Variants in PATJ observed in about 807,000 individuals in gnomAD.
PATJ encodes inaD-like protein.
A neutral mutation model predicts 224.9 loss-of-function variants in PATJ; 190 were observed. The ratio of observed to expected loss-of-function variants is 0.84; its 90% CI spans 0.75 to 0.95. PATJ has a LOEUF of 0.95. Ranked by LOEUF, PATJ falls within the 40% of genes least tolerant of loss-of-function variation. The pLI is 0.00. For synonymous variants in PATJ, 769 were observed against 820.3 expected, an observed-to-expected ratio of 0.94 and a Z score of 1.07; for missense variants, 2,121 against 2,270.3, an observed-to-expected ratio of 0.93 and a Z score of 1.34.
At chr1:61,843,889 A>C (rs1661510188) in intron 17 of PATJ, among the ~76,000 whole-genome samples, 3 of 148,922 alleles carry the variant, frequency 2.0e-5, no homozygotes, top group Non-Finnish European at 3.0e-5. Flanking sequence ...TTTAAAAGAT[A>C]CGAGCCAGTA....
chr1:62,123,186 G>T, intron 39 of PATJ, 128 bp downstream of exon 39: 6 of 649,766 alleles, frequency 9.2e-6, no homozygotes, highest in Non-Finnish European at 1.6e-5. Flanking sequence ...TAAAAATATG[G>T]TCTAAATAAC....
At chr1:61,960,733 T>A (rs7520931) in intron 27 of PATJ, among the ~76,000 whole-genome samples, 1 of 151,952 alleles carries the variant, frequency 6.6e-6, no homozygotes, top group Non-Finnish European at 1.5e-5. Flanking sequence ...AAATTCCTCT[T>A]GATTTTTTTA....
intron 29 of PATJ, among the ~76,000 whole-genome samples, chr1:62,026,462 TTG>T (rs200824830): frequency 8.1e-4 from 100 of 123,438 alleles, no homozygotes; most frequent in Middle Eastern, 9.0e-3. Flanking sequence ...TATTCAACAT[TTG>T]TGTGTGTGTG....
In PATJ at chr1:61,763,107, TGA is replaced by T. The variant is rs1273741532; in HGVS notation, c.120_121del (p.Glu40AspfsTer36). ...AGAATGAGAAGTTATCTATGTTTTA[TGA>T]GACACTAAAGAGTCCTCTCTTCAAC... ...SQNEKLSMFY[E>X]TLKSPLFNQI... On this transcript the variant is annotated frameshift_variant, in exon 3 of 44. Transcript: ENST00000642238. LOFTEE classifies it high-confidence loss of function. 6.8e-6 allele frequency: 11 copies of T among 1,611,036 alleles called. No individual in the cohort carries two copies. Among genetic ancestry groups the T allele is most frequent in the Non-Finnish European group, 8.5e-6 (10 of 1,178,120 alleles).
intron 34 of PATJ, among the ~76,000 whole-genome samples, chr1:62,112,926 C>T (rs996947092): frequency 6.6e-6 from 1 of 152,184 alleles, no homozygotes. Context: ...GGCTCCTCCA[C>T]CTGCTAGCTG....
intron 31 of PATJ, among the ~76,000 whole-genome samples, chr1:62,071,400 A>C (rs1311166770): frequency 6.6e-6 from 1 of 152,156 alleles, no homozygotes; most frequent in Non-Finnish European, 1.5e-5. Flanking sequence ...CAGCATCCTG[A>C]AATTATAGCT....
chr1:61,896,948 G>T (rs1341675353), intron 22 of PATJ, among the ~76,000 whole-genome samples: 1 of 152,098 alleles, frequency 6.6e-6, no homozygotes, highest in Non-Finnish European at 1.5e-5. Flanking sequence ...CCCAGTCTCA[G>T]GTAGTATCTT....
intron 41 of PATJ, among the ~76,000 whole-genome samples, chr1:62,144,481 C>CA (rs1667813165): frequency 6.6e-6 from 1 of 152,056 alleles, no homozygotes; most frequent in Non-Finnish European, 1.5e-5. Flanking sequence ...TGCTGGCAGA[C>CA]AAAGTTCCCT....
intron 39 of PATJ, among the ~76,000 whole-genome samples, chr1:62,123,796 T>C (rs1352357547): frequency 9.0e-6 from 1 of 110,656 alleles, no homozygotes; most frequent in Non-Finnish European, 1.7e-5. Context: ...ATAAGTTTCT[T>C]AACCAGTTTC....
intron 25 of PATJ, among the ~76,000 whole-genome samples, chr1:61,914,212 T>G (rs868670896): frequency 2.0e-5 from 3 of 152,294 alleles, no homozygotes; most frequent in Admixed American, 6.5e-5. Context: ...TCCCAGCACT[T>G]TGGGAGGCTG....
At chr1:62,054,918 G>A (rs1654286889) in intron 31 of PATJ, among the ~76,000 whole-genome samples, 1 of 152,052 alleles carries the variant, frequency 6.6e-6, no homozygotes, top group South Asian at 2.1e-4. Context: ...AGCTGGGCAT[G>A]GTGGCGGGTG....
At chr1:61,830,262 A>G (rs762513587) in intron 16 of PATJ, among the ~76,000 whole-genome samples, 3 of 152,236 alleles carry the variant, frequency 2.0e-5, no homozygotes, top group Non-Finnish European at 2.9e-5. Flanking sequence ...TCCCATTCAC[A>G]TAGCCACAAA....
At chr1:61,879,802 A>G (rs113846652) in intron 21 of PATJ, among the ~76,000 whole-genome samples, 6 of 150,916 alleles carry the variant, frequency 4.0e-5, no homozygotes, top group Non-Finnish European at 5.9e-5. Flanking sequence ...CTGATTCCCT[A>G]TCACCATCCA....
intron 33 of PATJ, among the ~76,000 whole-genome samples, chr1:62,094,281 G>A (rs911750405): frequency 6.6e-6 from 1 of 152,100 alleles, no homozygotes; most frequent in African/African-American, 2.4e-5. Context: ...TGTGGTCCCA[G>A]CTACTTGAGA....
Position 61,990,111 on chromosome 1 carries a change from A to G in PATJ, c.3671-57A>G, listed in dbSNP as rs186547739. On this transcript the variant is annotated intron_variant, in intron 27 of 43. Transcript: ENST00000642238. Reference sequence around the variant, plus strand: ...ACAGTAAGGATGGGGAAATGCTGACATCTCAATAATACAGATCAAGCTACT... The same window carrying G: ...ACAGTAAGGATGGGGAAATGCTGACGTCTCAATAATACAGATCAAGCTACT... 338 of 1,235,512 alleles carry G rather than the reference A, an allele frequency of 2.7e-4. 1 individual carries two copies. The highest frequency in any genetic ancestry group is 3.6e-4 in the Non-Finnish European group (323 of 889,016). The allele number at this position is 1,235,512 out of a possible 1,614,324, so 76.5% of individuals were successfully genotyped here.
At chr1:62,017,587 C>G (rs1646845014) in intron 28 of PATJ, among the ~76,000 whole-genome samples, 1 of 151,562 alleles carries the variant, frequency 6.6e-6, no homozygotes, top group Admixed American at 6.6e-5. Flanking sequence ...AAAAAATTAG[C>G]CAGGCGTGGT....
intron 27 of PATJ, among the ~76,000 whole-genome samples, chr1:61,952,828 A>G (rs1679913589): frequency 6.6e-6 from 1 of 152,232 alleles, no homozygotes; most frequent in African/African-American, 2.4e-5. Flanking sequence ...AGGGAAGACT[A>G]TTTATGTTAG....
chr1:61,960,709 A>G (rs1238635435), intron 27 of PATJ, among the ~76,000 whole-genome samples: 5 of 151,674 alleles, frequency 3.3e-5, no homozygotes, highest in Non-Finnish European at 5.9e-5. Flanking sequence ...TACAATTTTT[A>G]TGGAGAACAT....
In PATJ at chr1:62,114,165, A is replaced by T. The variant is rs200158472; in HGVS notation, c.4574A>T (p.Asp1525Val). 1 of 1,614,030 alleles carries T rather than the reference A, an allele frequency of 6.2e-7. No homozygotes were observed. The highest frequency in any genetic ancestry group is 1.3e-5 in the African/African-American group (1 of 75,014). Residue 1525 changes from aspartate to valine, a missense_variant, in exon 35 of 44, where the codon GAT (aspartate) becomes GTT (valine). Coordinates refer to ENST00000642238, the MANE Select transcript of PATJ (RefSeq NM_001350145.3). Reference protein sequence around the residue: ...VVYRDEAHYRDEENLEIFPVD... With the variant: ...VVYRDEAHYRVEENLEIFPVD... ...TATAGAGATGAGGCACACTACCGGGATGAGGAGAACTTGGAGATTTTCCCT... is the reference window on the plus strand; with the variant it reads ...TATAGAGATGAGGCACACTACCGGGTTGAGGAGAACTTGGAGATTTTCCCT...
Sources: allele counts gnomAD v4.1 joint callset (sites outside exome capture counted in the v4.1 genomes callset), GRCh38; gene constraint gnomAD v4.1.1; transcripts MANE v1.5; gene names NCBI Gene and HGNC (gene_info 2026-07-23, HGNC 2026-07-21).